The following NRXN3 variants were observed in gnomAD, a reference collection of about 807,000 sequenced individuals.
NRXN3 encodes neurexin III.
NRXN3 carries 32 observed loss-of-function variants against 137.6 expected under a neutral mutation model. That is an observed-to-expected ratio of 0.23 (90% CI 0.18 to 0.31). The LOEUF (loss-of-function observed/expected upper bound fraction) is 0.31, where lower values mean the gene tolerates loss of function less well. NRXN3 is among the 10% of genes least tolerant of loss of function. NRXN3 has a pLI of 1.00. For missense variants in NRXN3, 1,574 were observed against 2,062.5 expected (o/e 0.76, Z 4.59); for synonymous variants, 798 against 784.5 (o/e 1.02, Z -0.29).
chr14:78,448,861 A>G (rs534168908), intron 4 of NRXN3, among the ~76,000 whole-genome samples: 1 of 152,230 alleles, frequency 6.6e-6, no homozygotes, highest in Admixed American at 6.5e-5. Context: ...TTCAGCCTGA[A>G]GAGTGCCTTC....
intron 15 of NRXN3, among the ~76,000 whole-genome samples, chr14:79,452,335 G>T (rs1482671536): frequency 6.6e-6 from 1 of 152,124 alleles, no homozygotes; most frequent in East Asian, 1.9e-4. Flanking sequence ...TCTAAAAAGA[G>T]ACTGGTGTGT....
In NRXN3 at chr14:78,649,305, A is replaced by G. The variant is rs191505643; in HGVS notation, c.1060-1860A>G. 19 of 1,340,248 alleles carry G rather than the reference A, an allele frequency of 1.4e-5. No individual in the cohort carries two copies. In the East Asian group the frequency reaches 7.1e-4, roughly 50 times the overall value. 83.0% of individuals were successfully genotyped at this position (1,340,248 alleles called of 1,614,324 possible). The stretch of plus-strand genomic sequence containing the variant: ...GGACACGCTATGGTAAACAAACTAC[A>G]TTGTCTGGTAGATATCATTCTTATT... On this transcript the variant is annotated intron_variant, in intron 5 of 20. Coordinates refer to ENST00000335750, the MANE Select transcript of NRXN3 (RefSeq NM_001330195.2).
At chr14:78,249,738 TG>T (rs1294105823) in intron 2 of NRXN3, among the ~76,000 whole-genome samples, 1 of 152,218 alleles carries the variant, frequency 6.6e-6, no homozygotes, top group Admixed American at 6.5e-5. Flanking sequence ...TTATATTCAT[TG>T]GCTCATCTAT....
chr14:78,263,356 C>G (rs993684138), intron 2 of NRXN3, among the ~76,000 whole-genome samples: 2 of 151,948 alleles, frequency 1.3e-5, no homozygotes, highest in African/African-American at 4.8e-5. Flanking sequence ...CAAATAGTAG[C>G]TCTGAGACCA....
intron 4 of NRXN3, among the ~76,000 whole-genome samples, chr14:78,432,692 C>T (rs1343757042): frequency 6.6e-6 from 1 of 152,198 alleles, no homozygotes; most frequent in Non-Finnish European, 1.5e-5. Flanking sequence ...TCACCTTCCT[C>T]TTGTCCTAAT....
At chr14:78,201,354 C>T (rs1463908299) in intron 1 of NRXN3, among the ~76,000 whole-genome samples, 1 of 152,220 alleles carries the variant, frequency 6.6e-6, no homozygotes, top group Non-Finnish European at 1.5e-5. Context: ...AGGCCCCTAA[C>T]CCCATGTCTT....
At chr14:78,179,043 C>G (rs1197116236) in intron 1 of NRXN3, among the ~76,000 whole-genome samples, 1 of 152,146 alleles carries the variant, frequency 6.6e-6, no homozygotes, top group Non-Finnish European at 1.5e-5. Context: ...TGGAGGGGTG[C>G]TGGTTCTGGC....
At chr14:79,233,666 CTGTGTG>C (rs143246182) in intron 15 of NRXN3, among the ~76,000 whole-genome samples, 10 of 145,066 alleles carry the variant, frequency 6.9e-5, no homozygotes, top group Admixed American at 6.2e-4. Flanking sequence ...AGTATAACTG[CTGTGTG>C]TGTGTGTGTG....
intron 4 of NRXN3, among the ~76,000 whole-genome samples, chr14:78,353,652 A>G (rs142928067): frequency 1.0e-3 from 154 of 152,334 alleles, no homozygotes; most frequent in African/African-American, 2.8e-3. Context: ...AAACATTTTA[A>G]ATGTATATCC....
intron 15 of NRXN3, among the ~76,000 whole-genome samples, chr14:79,396,781 G>A (rs1322588259): frequency 6.6e-6 from 1 of 152,050 alleles, no homozygotes; most frequent in Non-Finnish European, 1.5e-5. Context: ...AGAGGGAAGG[G>A]TATTATTATT....
At chr14:79,546,086 C>T (rs987412799) in intron 16 of NRXN3, among the ~76,000 whole-genome samples, 6 of 152,118 alleles carry the variant, frequency 3.9e-5, no homozygotes. Context: ...CTTGCTCCTC[C>T]TTGCCTTCTG....
At chr14:79,492,302 G>T (rs993568129) in intron 16 of NRXN3, among the ~76,000 whole-genome samples, 1 of 152,112 alleles carries the variant, frequency 6.6e-6, no homozygotes, top group Non-Finnish European at 1.5e-5. Context: ...TTTGTCAATA[G>T]GTCCCTATTC....
At chr14:78,453,645 G>A (rs2094604010) in intron 4 of NRXN3, among the ~76,000 whole-genome samples, 1 of 152,150 alleles carries the variant, frequency 6.6e-6, no homozygotes, top group South Asian at 2.1e-4. Flanking sequence ...CTAACTCCCA[G>A]AACTTGTAAA....
intron 10 of NRXN3, among the ~76,000 whole-genome samples, chr14:78,893,459 C>G (rs372168618): frequency 4.6e-4 from 70 of 151,908 alleles, no homozygotes; most frequent in African/African-American, 1.6e-3. Flanking sequence ...AGGTGAAAGT[C>G]AATTGGTAAA....
intron 4 of NRXN3, chr14:78,526,824 G>A (rs1246727786): frequency 2.0e-6 from 1 of 506,112 alleles, no homozygotes; most frequent in Non-Finnish European, 3.9e-6. Context: ...TGGAAGAAAG[G>A]GGATTCATAT....
intron 15 of NRXN3, among the ~76,000 whole-genome samples, chr14:79,441,480 C>T (rs771815234): frequency 7.7e-5 from 11 of 143,754 alleles, no homozygotes; most frequent in East Asian, 2.2e-4. Context: ...CCCGGGTTCA[C>T]GCCATTCTCC....
chr14:78,570,185 G>T (rs2096876679), intron 4 of NRXN3, among the ~76,000 whole-genome samples: 1 of 152,118 alleles, frequency 6.6e-6, no homozygotes, highest in Admixed American at 6.5e-5. Context: ...AGATCATAAG[G>T]GTGAGGTCCT....
At chr14:78,506,684 G>A (rs1195701581) in intron 4 of NRXN3, among the ~76,000 whole-genome samples, 2 of 138,222 alleles carry the variant, frequency 1.4e-5, no homozygotes, top group Admixed American at 7.5e-5. Context: ...AGGAGATGGG[G>A]GTCTCACTAT....
intron 15 of NRXN3, among the ~76,000 whole-genome samples, chr14:79,182,959 C>G (rs2063104731): frequency 6.6e-6 from 1 of 152,052 alleles, no homozygotes; most frequent in Non-Finnish European, 1.5e-5. Flanking sequence ...GAGAAACAGA[C>G]TTACTACAAA....
Sources: allele counts gnomAD v4.1 joint callset (sites outside exome capture counted in the v4.1 genomes callset), GRCh38; gene constraint gnomAD v4.1.1; transcripts MANE v1.5; gene names NCBI Gene and HGNC (gene_info 2026-07-23, HGNC 2026-07-21).